Variants in TMEM222 observed in about 807,000 individuals in gnomAD.
TMEM222 encodes transmembrane protein 222.
A neutral mutation model predicts 25.1 loss-of-function variants in TMEM222; 18 were observed. The observed-to-expected ratio is 0.72, with a 90% CI of 0.50 to 1.06. The LOEUF is 1.06. Among genes scored for constraint, TMEM222 ranks in the 50% least tolerant of loss-of-function variants. The pLI is 0.00. For missense variants in TMEM222, 296 were observed against 293.7 expected, an observed-to-expected ratio of 1.01 and a Z score of -0.06; for synonymous variants, 131 against 117.9, an observed-to-expected ratio of 1.11 and a Z score of -0.72.
intron 3 of TMEM222, 56 bp downstream of exon 3, chr1:27,332,157 C>T (rs1005525368): frequency 2.9e-5 from 47 of 1,605,634 alleles, no homozygotes; most frequent in East Asian, 2.2e-4. Context: ...CCTGCCGGGG[C>T]GGGCCAGGCC....
Position 27,322,348 on chromosome 1 carries a change from C to T in TMEM222, c.151C>T (p.Arg51Cys), listed in dbSNP as rs1318240653. 2 of 1,525,188 alleles carry T rather than the reference C, an allele frequency of 1.3e-6. No individual in the cohort carries two copies. The highest frequency in any genetic ancestry group is 2.0e-5 in the Admixed American group (1 of 50,542). The allele number at this position is 1,525,188 out of a possible 1,614,324, so 94.5% of individuals were successfully genotyped here. ...CGTCGCCATGGATGTGGAACGGAGTCGCTTCCCCTACTGCGTGGTGTGGAC... is the reference window on the plus strand; with the variant it reads ...CGTCGCCATGGATGTGGAACGGAGTTGCTTCCCCTACTGCGTGGTGTGGAC... ...GGVAMDVERS[R>C]FPYCVVWTPI... Residue 51 changes from arginine (R) to cysteine (C), a missense_variant, in exon 1 of 6, where the codon CGC becomes TGC. Physicochemically the swap from Arg to Cys is radical, Grantham distance 180. Coordinates refer to ENST00000374076, the MANE Select transcript of TMEM222 (RefSeq NM_032125.3).
Position 27,335,985 on chromosome 1 carries a change from C to T in TMEM222, c.*519C>T, listed in dbSNP as rs545946202. ...CTGGGTCCCTTTGTCAGACTCCTGC[C>T]GGCAGCTGCCCTGGGGGACATGTGT... On this transcript the variant is annotated 3_prime_UTR_variant, in exon 6 of 6. Transcript: ENST00000374076. The T allele has an allele frequency of 3.0e-3, 467 of 157,696 alleles. 2 individuals carry two copies. Among genetic ancestry groups the T allele is most frequent in the African/African-American group, 5.8e-3 (241 of 41,724 alleles). 9.8% of individuals were successfully genotyped at this position (157,696 alleles called of 1,614,324 possible).
Position 27,322,359 on chromosome 1 carries a change from C to G in TMEM222, c.162C>G (p.Tyr54Ter), listed in dbSNP as rs752273932. The G allele has an allele frequency of 6.6e-7, 1 of 1,504,834 alleles. No homozygotes were observed. The highest frequency in any genetic ancestry group is 8.9e-7 in the Non-Finnish European group (1 of 1,118,544). 93.2% of individuals were successfully genotyped at this position (1,504,834 alleles called of 1,614,324 possible). A position where few individuals can be genotyped will look rare whatever the true frequency, so the allele number is the denominator to read the frequency against. The change falls in exon 1 of 6, where the codon TAC becomes TAG. Residue 54 changes from tyrosine to a stop codon, truncating the protein, a stop_gained. Transcript: ENST00000374076. LOFTEE classifies it high-confidence loss of function. ...ATGTGGAACGGAGTCGCTTCCCCTA[C>G]TGCGTGGTGTGGACGCCCATCCCGG... Reference protein sequence around the residue: ...AMDVERSRFPYCVVWTPIPVL... With the variant: ...AMDVERSRFP
At chr1:27,324,642 G>A (rs1394220340) in intron 1 of TMEM222, among the ~76,000 whole-genome samples, 2 of 152,194 alleles carry the variant, frequency 1.3e-5, no homozygotes, top group Non-Finnish European at 2.9e-5. Flanking sequence ...ACTAATACTT[G>A]AGACTGGATA....
chr1:27,333,668 T>C, intron 3 of TMEM222: 1 of 454,676 alleles, frequency 2.2e-6, no homozygotes. Flanking sequence ...CCCCACCTCC[T>C]CATACCATCA....
At chr1:27,325,872 A>G in intron 1 of TMEM222, 3 of 760,170 alleles carry the variant, frequency 3.9e-6, no homozygotes, top group Non-Finnish European at 7.3e-6. Flanking sequence ...GCAAATGCAT[A>G]TACCTCATGC....
chr1:27,325,515 A>G, intron 1 of TMEM222: 1 of 1,458,736 alleles, frequency 6.9e-7, no homozygotes, highest in Non-Finnish European at 9.6e-7. Flanking sequence ...CAACTCCATC[A>G]TGAAGTGTGA....
chr1:27,327,480 C>T (rs970695356), intron 1 of TMEM222, among the ~76,000 whole-genome samples: 8 of 152,216 alleles, frequency 5.3e-5, no homozygotes, highest in African/African-American at 1.7e-4. Context: ...CCTCCGCCTC[C>T]GGGGTTCAAG....
chr1:27,333,570 T>C, intron 3 of TMEM222: 1 of 426,002 alleles, frequency 2.3e-6, no homozygotes, highest in South Asian at 1.7e-5. Context: ...GGTGGAGGGG[T>C]GAGGGGTCTC....
chr1:27,334,407 C>T, intron 5 of TMEM222, 126 bp downstream of exon 5: 3 of 1,454,178 alleles, frequency 2.1e-6, no homozygotes, highest in East Asian at 2.3e-5. Context: ...CAGTTGGAGC[C>T]GTGGTGGTTC....
chr1:27,334,574 GGC>G, intron 5 of TMEM222: 1 of 1,444,272 alleles, frequency 6.9e-7, no homozygotes, highest in South Asian at 1.5e-5. Flanking sequence ...GTGAAATGCA[GGC>G]AATGATTCCG....
At chr1:27,331,151 T>TG (rs1036251280) in intron 2 of TMEM222, 103 of 1,146,460 alleles carry the variant, frequency 9.0e-5, no homozygotes, top group Admixed American at 1.4e-4. Flanking sequence ...GGAGTCAAGG[T>TG]GGGGGGACAC....
chr1:27,323,253 A>G (rs2014251355), intron 1 of TMEM222, among the ~76,000 whole-genome samples: 1 of 152,240 alleles, frequency 6.6e-6, no homozygotes, highest in African/African-American at 2.4e-5. Flanking sequence ...TGAAGAGCTC[A>G]GTCTTCTGAT....
chr1:27,334,641 A>T (rs1160194192), intron 5 of TMEM222: 1 of 1,433,568 alleles, frequency 7.0e-7, no homozygotes, highest in Admixed American at 2.6e-5. Flanking sequence ...GAGCAGATAG[A>T]TCCTCTCATA....
Position 27,322,289 on chromosome 1 carries a change from A to G in TMEM222, c.92A>G (p.Glu31Gly). Reference sequence around the variant, plus strand: ...GAAGTGGAGGCGCCGACGGCGGCCGAGACGGACATGAAGCAATATCAAGGC... The same window carrying G: ...GAAGTGGAGGCGCCGACGGCGGCCGGGACGGACATGAAGCAATATCAAGGC... ...MAEVEAPTAA[E>G]TDMKQYQGSG... Residue 31 changes from glutamate (E) to glycine (G), a missense_variant, in exon 1 of 6, where the codon GAG (glutamate) becomes GGG (glycine). Coordinates refer to ENST00000374076, the MANE Select transcript of TMEM222 (RefSeq NM_032125.3). 1 of 1,560,856 alleles carries G rather than the reference A, an allele frequency of 6.4e-7. No individual in the cohort carries two copies.
chr1:27,335,780 C>G lies in TMEM222; in HGVS notation c.*314C>G. The G allele has an allele frequency of 2.4e-6, 1 of 416,074 alleles. No homozygotes were observed. Among genetic ancestry groups the G allele is most frequent in the Non-Finnish European group, 4.5e-6 (1 of 222,546 alleles). 25.8% of individuals were successfully genotyped at this position (416,074 alleles called of 1,614,324 possible). A position where few individuals can be genotyped will look rare whatever the true frequency, so the allele number is the denominator to read the frequency against. ...GCTCCCGCCACCACCTGCTGGGGTCCTGCCTCAGCCCAGTGCCCAGTATGG... is the reference window on the plus strand; with the variant it reads ...GCTCCCGCCACCACCTGCTGGGGTCGTGCCTCAGCCCAGTGCCCAGTATGG... On this transcript the variant is annotated 3_prime_UTR_variant, in exon 6 of 6. Transcript: ENST00000374076.
chr1:27,328,682 C>T (rs192856372), intron 1 of TMEM222, among the ~76,000 whole-genome samples: 156 of 152,368 alleles, frequency 1.0e-3, no homozygotes, highest in African/African-American at 3.4e-3. Flanking sequence ...TTCGTTCTTC[C>T]AGGCACATGT....
At chr1:27,327,701 A>C (rs2014386392) in intron 1 of TMEM222, among the ~76,000 whole-genome samples, 1 of 151,758 alleles carries the variant, frequency 6.6e-6, no homozygotes, top group African/African-American at 2.4e-5. Flanking sequence ...GACTCACTGC[A>C]GCCTCAACTT....
At chr1:27,325,488 A>G in intron 1 of TMEM222, 2 of 1,459,430 alleles carry the variant, frequency 1.4e-6, no homozygotes, top group South Asian at 1.1e-5. Flanking sequence ...ATCTTGCGGC[A>G]TCCACGAGAC....
Sources: gnomAD v4.1 joint callset for allele counts (sites outside exome capture counted in the v4.1 genomes callset) on GRCh38, gnomAD v4.1.1 for gene constraint, MANE v1.5 for transcripts, NCBI Gene and HGNC (gene_info 2026-07-23, HGNC 2026-07-21) for gene names.